Variants in CA10 observed in about 807,000 individuals in gnomAD.
The protein encoded by CA10 is carbonic anhydrase 10 (inactive), also known as carbonic anhydrase-related protein 10.
In CA10, 14 loss-of-function variants were observed where a neutral mutation model predicts 44.2. The ratio of observed to expected loss-of-function variants is 0.32; its 90% CI spans 0.21 to 0.50. CA10 has a LOEUF of 0.50. CA10 is among the 20% of genes least tolerant of loss of function. The probability of loss-of-function intolerance (pLI) is 0.99; values close to 1 mark genes in which losing one functional copy is unlikely to be tolerated. For synonymous variants in CA10, 159 were observed against 141.6 expected (o/e 1.12, Z -0.87); for missense variants, 350 against 409.7 (o/e 0.85, Z 1.26).
intron 3 of CA10, among the ~76,000 whole-genome samples, chr17:51,829,635 A>T (rs1257910039): frequency 3.3e-5 from 5 of 152,356 alleles, no homozygotes; most frequent in African/African-American, 1.2e-4. Context: ...TATGCCAGGC[A>T]TGTGCTAGAT....
Position 51,653,701 on chromosome 17 carries a change from C to T in CA10, c.501G>A (p.Thr167=), listed in dbSNP as rs769181729. Residue 167 remains threonine, a synonymous_variant, in exon 5 of 9, where the codon ACG becomes ACA. Transcript: ENST00000451037. ...QLIHYNHELY[T]NVTEAAKSPN... ...GACTCTTTGCAGCTTCTGTGACATT[C>T]GTATATAGCTCATGGTTATAGTGGA... The T allele has an allele frequency of 4.8e-5, 78 of 1,610,972 alleles. No homozygotes were observed. The Middle Eastern group carries it at 6.6e-4, about 14-fold the overall frequency.
At chr17:52,110,780 A>G (rs1006449749) in intron 1 of CA10, among the ~76,000 whole-genome samples, 6 of 152,126 alleles carry the variant, frequency 3.9e-5, no homozygotes, top group African/African-American at 1.4e-4. Context: ...GTTACTGGCT[A>G]TAGGCTGCCT....
intron 5 of CA10, among the ~76,000 whole-genome samples, chr17:51,651,577 G>A (rs779255097): frequency 1.3e-5 from 2 of 152,212 alleles, no homozygotes; most frequent in African/African-American, 2.4e-5. Context: ...TCAACAGCCT[G>A]TGGGCAAGCA....
At chr17:52,001,265 T>TA (rs1164513936) in intron 2 of CA10, among the ~76,000 whole-genome samples, 1 of 152,032 alleles carries the variant, frequency 6.6e-6, no homozygotes. Context: ...TTGCAAACCC[T>TA]AAAATCTTCA....
chr17:52,063,206 A>C (rs1367016743), intron 2 of CA10, among the ~76,000 whole-genome samples: 1 of 152,222 alleles, frequency 6.6e-6, no homozygotes, highest in Non-Finnish European at 1.5e-5. Context: ...ATGCCTATAC[A>C]AACATTGCAT....
intron 3 of CA10, among the ~76,000 whole-genome samples, chr17:51,806,083 C>T (rs1427450575): frequency 2.0e-5 from 3 of 152,168 alleles, no homozygotes; most frequent in Non-Finnish European, 4.4e-5. Flanking sequence ...AGTCAGGGTC[C>T]AGAACCTTCA....
chr17:51,782,772 G>T (rs147505822), intron 3 of CA10, among the ~76,000 whole-genome samples: 3 of 152,296 alleles, frequency 2.0e-5, no homozygotes, highest in Admixed American at 6.5e-5. Context: ...TGGTTCAGCA[G>T]GGAGGCAGGA....
At position 52,067,231 on chromosome 17, in the gene CA10, A is replaced by C. The variant is rs1004680985; in HGVS notation, c.136+5088T>G. ...GGCCCAAGGCCTAGCTGCTTTGTGC[A>C]GTCTCTGGGCTTGGTGCCCTGCATT... On this transcript the variant is annotated intron_variant, in intron 2 of 8. Transcript: ENST00000451037. Among the ~76,000 whole-genome samples, 23 of 152,260 alleles carry C rather than the reference A, an allele frequency of 1.5e-4. 1 individual carries two copies. The highest frequency in any genetic ancestry group is 2.9e-5 in the Non-Finnish European group (2 of 68,042).
chr17:51,983,734 A>C (rs1984732534), intron 2 of CA10, among the ~76,000 whole-genome samples: 1 of 151,818 alleles, frequency 6.6e-6, no homozygotes, highest in Admixed American at 6.6e-5. Context: ...AACAATCAGC[A>C]ACAAGATGGT....
At chr17:51,708,042 T>G (rs969516813) in intron 4 of CA10, among the ~76,000 whole-genome samples, 4 of 152,092 alleles carry the variant, frequency 2.6e-5, no homozygotes, top group Non-Finnish European at 5.9e-5. Flanking sequence ...GCACTAAAAG[T>G]GGAAGAAAAT....
rs539499526 is a variant in CA10, at chr17:51,847,909, C to G, written c.279+83081G>C. On this transcript the variant is annotated intron_variant, in intron 3 of 8. Transcript: ENST00000451037. ...CTGTGAAACAGAGATCAGAACAGCA[C>G]TTTCCAGACGAGACCTTTTGGGGAC... 2.6e-5 allele frequency among the ~76,000 whole-genome samples: 4 copies of G among 152,322 alleles called. No homozygotes were observed. The South Asian group carries it at 8.3e-4, about 32-fold the overall frequency.
chr17:51,753,085 G>T (rs1163561683), intron 3 of CA10, among the ~76,000 whole-genome samples: 2 of 152,142 alleles, frequency 1.3e-5, no homozygotes, highest in East Asian at 1.9e-4. Context: ...GCCTGCTGAA[G>T]TTCATCCCAG....
At chr17:51,753,420 T>C (rs1904959964) in intron 3 of CA10, among the ~76,000 whole-genome samples, 1 of 152,232 alleles carries the variant, frequency 6.6e-6, no homozygotes, top group African/African-American at 2.4e-5. Context: ...TCATCTTTTT[T>C]CATTCTGGTG....
Position 51,717,821 on chromosome 17 carries a change from A to G in CA10, c.465+29812T>C, listed in dbSNP as rs867698379. 8.9e-4 allele frequency among the ~76,000 whole-genome samples: 34 copies of G among 38,092 alleles called. 8 individuals carry two copies. Among genetic ancestry groups the G allele is most frequent in the East Asian group, 4.8e-3 (4 of 830 alleles). 25.0% of individuals were successfully genotyped at this position (38,092 alleles called of 152,430 possible). A position where few individuals can be genotyped will look rare whatever the true frequency, so the allele number is the denominator to read the frequency against. ...TGTGTATATATATACACGTATATAT[A>G]TGTGTGTGTATATATATATATATAT... is the stretch of plus-strand genomic sequence containing the variant. On this transcript the variant is annotated intron_variant, in intron 4 of 8. Transcript: ENST00000451037.
At chr17:51,996,946 G>A (rs1464627029) in intron 2 of CA10, among the ~76,000 whole-genome samples, 1 of 152,086 alleles carries the variant, frequency 6.6e-6, no homozygotes, top group Non-Finnish European at 1.5e-5. Flanking sequence ...ATCTAAAGAT[G>A]TTAATAAATT....
intron 3 of CA10, among the ~76,000 whole-genome samples, chr17:51,820,111 C>G (rs534513750): frequency 2.0e-4 from 30 of 151,778 alleles, no homozygotes; most frequent in Non-Finnish European, 3.4e-4. Context: ...ATGACTTGTC[C>G]CAAGTTCCAC....
intron 3 of CA10, among the ~76,000 whole-genome samples, chr17:51,838,195 C>T (rs1978293412): frequency 1.3e-5 from 2 of 152,188 alleles, no homozygotes; most frequent in South Asian, 2.1e-4. Context: ...TCTAAGTCAA[C>T]AGAAGAAGCA....
intron 2 of CA10, among the ~76,000 whole-genome samples, chr17:51,975,871 G>C (rs927134228): frequency 6.2e-5 from 2 of 32,500 alleles, no homozygotes; most frequent in Non-Finnish European, 1.1e-4. Context: ...ACTCTGTCTC[G>C]GAAAAAAAAA....
chr17:51,888,462 T>C (rs1980711833), intron 3 of CA10, among the ~76,000 whole-genome samples: 1 of 152,198 alleles, frequency 6.6e-6, no homozygotes, highest in Admixed American at 6.5e-5. Flanking sequence ...GAGAATGAAA[T>C]AATTTGAAGG....
Sources: allele counts gnomAD v4.1 joint callset (sites outside exome capture counted in the v4.1 genomes callset), GRCh38; gene constraint gnomAD v4.1.1; transcripts MANE v1.5; gene names NCBI Gene and HGNC (gene_info 2026-07-23, HGNC 2026-07-21).